Variants in MYO1E observed in about 807,000 individuals in gnomAD.
MYO1E encodes the protein unconventional myosin-Ie.
In MYO1E, 68 loss-of-function variants were observed where a neutral mutation model predicts 151.1. That is an observed-to-expected ratio of 0.45 (90% confidence interval 0.37 to 0.55). The LOEUF (loss-of-function observed/expected upper bound fraction) is 0.55. Among genes scored for constraint, MYO1E ranks in the 20% least tolerant of loss-of-function variants. The pLI, the probability that MYO1E is intolerant of heterozygous loss-of-function variation, is 0.00. For missense variants in MYO1E, 1,363 were observed against 1,389.3 expected (o/e 0.98, Z 0.30); for synonymous variants, 601 against 501.7 (o/e 1.20, Z -2.64).
intron 22 of MYO1E, among the ~76,000 whole-genome samples, chr15:59,164,147 T>C (rs1566968244): frequency 6.6e-6 from 1 of 152,192 alleles, no homozygotes; most frequent in African/African-American, 2.4e-5. Context: ...AAGTTCCATC[T>C]TCAAGCCTGG....
At chr15:59,340,903 TC>T (rs2080761052) in intron 1 of MYO1E, among the ~76,000 whole-genome samples, 1 of 149,536 alleles carries the variant, frequency 6.7e-6, no homozygotes, top group African/African-American at 2.5e-5. Context: ...ACACCTGTAA[TC>T]CCAGCTACTC....
intron 1 of MYO1E, among the ~76,000 whole-genome samples, chr15:59,314,172 C>T (rs1188668283): frequency 6.6e-6 from 1 of 152,212 alleles, no homozygotes. Context: ...AGAATCCTTT[C>T]TCTACCTCGC....
At chr15:59,368,667 A>T (rs1185119665) in intron 1 of MYO1E, among the ~76,000 whole-genome samples, 1 of 152,074 alleles carries the variant, frequency 6.6e-6, no homozygotes, top group Non-Finnish European at 1.5e-5. Flanking sequence ...AATCGTTTGA[A>T]ACCGGGAGGC....
intron 1 of MYO1E, among the ~76,000 whole-genome samples, chr15:59,278,805 C>T (rs1218301531): frequency 6.6e-6 from 1 of 152,118 alleles, no homozygotes; most frequent in African/African-American, 2.4e-5. Context: ...TTTACTGAAA[C>T]CAGAAATACG....
intron 5 of MYO1E, among the ~76,000 whole-genome samples, chr15:59,235,964 C>T (rs1254187907): frequency 6.6e-6 from 1 of 152,070 alleles, no homozygotes; most frequent in Non-Finnish European, 1.5e-5. Context: ...TTTATATTTC[C>T]TTTTCTATGA....
intron 19 of MYO1E, among the ~76,000 whole-genome samples, chr15:59,174,620 G>A (rs776134831): frequency 1.3e-5 from 2 of 152,148 alleles, no homozygotes; most frequent in African/African-American, 2.4e-5. Flanking sequence ...GGTGGAGGCT[G>A]TTGCTGTTGT....
intron 1 of MYO1E, among the ~76,000 whole-genome samples, chr15:59,310,471 A>G (rs1596411344): frequency 6.6e-6 from 1 of 152,168 alleles, no homozygotes; most frequent in East Asian, 1.9e-4. Flanking sequence ...AGACACAGGG[A>G]GAAGGTCATG....
chr15:59,221,051 C>A (rs1391470471), intron 9 of MYO1E, among the ~76,000 whole-genome samples: 1 of 143,150 alleles, frequency 7.0e-6, no homozygotes, highest in South Asian at 2.2e-4. Context: ...TATATATACA[C>A]ACACATAATT....
At chr15:59,323,811 G>A (rs971669348) in intron 1 of MYO1E, among the ~76,000 whole-genome samples, 9 of 151,984 alleles carry the variant, frequency 5.9e-5, no homozygotes, top group African/African-American at 2.2e-4. Context: ...TGGGACAAAG[G>A]GTGCAGCCAG....
chr15:59,214,016 T>C (rs1270471408), intron 12 of MYO1E, among the ~76,000 whole-genome samples: 3 of 152,226 alleles, frequency 2.0e-5, no homozygotes, highest in Non-Finnish European at 2.9e-5. Context: ...CAGCATCATT[T>C]GCTTAAAGAA....
chr15:59,343,125 T>G (rs1567020177), intron 1 of MYO1E, among the ~76,000 whole-genome samples: 1 of 152,232 alleles, frequency 6.6e-6, no homozygotes, highest in Non-Finnish European at 1.5e-5. Context: ...AGATGATTTC[T>G]CATTGCTTGT....
At chr15:59,235,310 C>T (rs530252151) in intron 5 of MYO1E, among the ~76,000 whole-genome samples, 1 of 152,320 alleles carries the variant, frequency 6.6e-6, no homozygotes, top group East Asian at 1.9e-4. Context: ...CAGCTCCCCT[C>T]CCTCAAGACA....
At chr15:59,233,867 A>G (rs1485361077) in intron 5 of MYO1E, among the ~76,000 whole-genome samples, 1 of 130,466 alleles carries the variant, frequency 7.7e-6, no homozygotes, top group Non-Finnish European at 1.6e-5. Context: ...TAGAATACAC[A>G]CTGTATTTCA....
At chr15:59,349,028 A>T (rs112796025) in intron 1 of MYO1E, among the ~76,000 whole-genome samples, 259 of 152,258 alleles carry the variant, frequency 1.7e-3, no homozygotes, top group African/African-American at 6.0e-3. Flanking sequence ...GGTGCCATGG[A>T]CATATGGAAG....
chr15:59,172,844 T>C (rs1214211612), intron 21 of MYO1E, among the ~76,000 whole-genome samples: 1 of 152,290 alleles, frequency 6.6e-6, no homozygotes, highest in East Asian at 1.9e-4. Context: ...TGAGTACCGC[T>C]GCGAGAGCTA....
chr15:59,143,514 C>T (rs1472787874), intron 26 of MYO1E, among the ~76,000 whole-genome samples: 1 of 152,086 alleles, frequency 6.6e-6, no homozygotes, highest in Non-Finnish European at 1.5e-5. Flanking sequence ...GCCATTCTCC[C>T]TGGCCAGCCT....
intron 8 of MYO1E, among the ~76,000 whole-genome samples, chr15:59,223,936 C>T (rs1445820763): frequency 1.3e-5 from 2 of 152,332 alleles, no homozygotes; most frequent in South Asian, 2.1e-4. Flanking sequence ...ACCCAGGACA[C>T]AGTCTGTTTG....
chr15:59,205,602 C>T (rs2079828722), intron 14 of MYO1E, 117 bp from the exon 15 acceptor site: 2 of 872,424 alleles, frequency 2.3e-6, no homozygotes, highest in South Asian at 1.4e-5. Flanking sequence ...GCTGTCATGG[C>T]TACCCTCACC....
chr15:59,372,520 G>C lies in MYO1E; in HGVS notation c.-20C>G. The C allele has an allele frequency of 3.9e-6, 6 of 1,535,646 alleles. No homozygotes were observed. The highest frequency in any genetic ancestry group is 5.3e-6 in the Non-Finnish European group (6 of 1,140,940). On this transcript the variant is annotated 5_prime_UTR_variant, in exon 1 of 28. Transcript: ENST00000288235. ...CACCATGGTGACTCGCGCCGCGGTC[G>C]CGTCTTCGCCGGGTCCCGCTGCCGG...
Sources: gnomAD v4.1 joint callset for allele counts (sites outside exome capture counted in the v4.1 genomes callset) on GRCh38, gnomAD v4.1.1 for gene constraint, MANE v1.5 for transcripts, NCBI Gene and HGNC (gene_info 2026-07-23, HGNC 2026-07-21) for gene names.